The following PUS7 variants were observed in gnomAD, a reference collection of about 807,000 sequenced individuals.
PUS7 encodes the protein pseudouridine synthase 7.
In PUS7, 48 loss-of-function variants were observed where a neutral mutation model predicts 79.8. The observed-to-expected ratio is 0.60, with a 90% CI of 0.48 to 0.76. The LOEUF is 0.76. Ranked by LOEUF, PUS7 falls within the 30% of genes least tolerant of loss-of-function variation. PUS7 has a pLI of 0.00. For synonymous variants in PUS7, 286 were observed against 272.2 expected, an observed-to-expected ratio of 1.05 and a Z score of -0.50; for missense variants, 729 against 797.6, an observed-to-expected ratio of 0.91 and a Z score of 1.04.
intron 12 of PUS7, among the ~76,000 whole-genome samples, chr7:105,467,577 T>C (rs772360448): frequency 1.8e-4 from 27 of 151,652 alleles, no homozygotes; most frequent in South Asian, 1.5e-3. Context: ...TGTGAGCCAC[T>C]GCGCCCAGTG....
chr7:105,508,648 G>C (rs1384183853), intron 1 of PUS7, 104 bp from the exon 2 acceptor site: 7 of 1,428,266 alleles, frequency 4.9e-6, no homozygotes, highest in Admixed American at 2.6e-5. Flanking sequence ...GGGAGGTTAA[G>C]GCAGGCAGAT....
chr7:105,476,248 A>G (rs1368829838), intron 9 of PUS7, among the ~76,000 whole-genome samples: 3 of 151,620 alleles, frequency 2.0e-5, no homozygotes, highest in Non-Finnish European at 4.4e-5. Flanking sequence ...CCTTTCGGCT[A>G]TTGTGAATGC....
chr7:105,483,943 G>A (rs769332507), intron 7 of PUS7, among the ~76,000 whole-genome samples: 16 of 152,256 alleles, frequency 1.1e-4, no homozygotes, highest in Non-Finnish European at 1.5e-4. Flanking sequence ...GCTTTTACAC[G>A]TCTTTCAATG....
intron 6 of PUS7, among the ~76,000 whole-genome samples, chr7:105,492,342 T>C (rs1369290010): frequency 6.6e-6 from 1 of 151,888 alleles, no homozygotes; most frequent in East Asian, 1.9e-4. Flanking sequence ...CTTTTTTTTT[T>C]GAGACGGAGT....
At chr7:105,516,934 G>A (rs1397577485) in intron 1 of PUS7, among the ~76,000 whole-genome samples, 4 of 152,048 alleles carry the variant, frequency 2.6e-5, no homozygotes, top group Non-Finnish European at 5.9e-5. Flanking sequence ...CTTGAATGAA[G>A]ATATAAAGTT....
rs77062961 is a variant in PUS7, at chr7:105,509,262, G to A, written c.-32-718C>T. Among the ~76,000 whole-genome samples the A allele has an allele frequency of 5.3e-3, 777 of 147,172 alleles. 14 individuals are homozygous for A. The highest frequency in any genetic ancestry group is 0.038 in the East Asian group (190 of 5,036). On this transcript the variant is annotated intron_variant, in intron 1 of 15. Coordinates refer to ENST00000469408, the MANE Select transcript of PUS7 (RefSeq NM_019042.5). ...AAGGCATAGTTAATGTTGTTCATAC[G>A]ATCCTAAAAATCATTTATAGAAATA... is the stretch of plus-strand genomic sequence containing the variant.
At chr7:105,510,235 G>A (rs1160773266) in intron 1 of PUS7, among the ~76,000 whole-genome samples, 1 of 152,152 alleles carries the variant, frequency 6.6e-6, no homozygotes, top group Admixed American at 6.5e-5. Flanking sequence ...AGGAGGTGGA[G>A]GTTGTGGTGA....
At chr7:105,505,018 T>TTTTTTTTTTTTTTTTTTTTTTTTTG (rs1562815532) in intron 4 of PUS7, among the ~76,000 whole-genome samples, 1 of 150,256 alleles carries the variant, frequency 6.7e-6, no homozygotes. Flanking sequence ...TTTTTTTTTT[T>TTTTTTTTTTTTTTTTTTTTTTTTTG]GATATGGAGT....
At chr7:105,492,006 G>A (rs115848276) in intron 6 of PUS7, among the ~76,000 whole-genome samples, 2,990 of 143,892 alleles carry the variant, frequency 0.021, 90 homozygotes, top group African/African-American at 0.071. Context: ...GCAGTGAGCT[G>A]AGACCACTCT....
Position 105,508,408 on chromosome 7 carries a change from C to T in PUS7, c.105G>A (p.Leu35=). Residue 35 remains leucine (L), a synonymous_variant, in exon 2 of 16, where the codon CTG becomes CTA. Coordinates refer to ENST00000469408, the MANE Select transcript of PUS7 (RefSeq NM_019042.5). ...VPVEETKKQK[L]SECSLTKGQD... ...GACCTTTGGTTAGACTGCATTCCGACAGCTTCTGTTTTTTTGTCTCTTCAA... is the reference window on the plus strand; with the variant it reads ...GACCTTTGGTTAGACTGCATTCCGATAGCTTCTGTTTTTTTGTCTCTTCAA... 6.2e-7 allele frequency: 1 copy of T among 1,614,126 alleles called. No individual in the cohort carries two copies. Among genetic ancestry groups the T allele is most frequent in the South Asian group, 1.1e-5 (1 of 91,080 alleles).
chr7:105,506,782 T>TA (rs899228483), intron 2 of PUS7, among the ~76,000 whole-genome samples: 41 of 152,228 alleles, frequency 2.7e-4, no homozygotes, highest in African/African-American at 8.7e-4. Flanking sequence ...TATGAGAACT[T>TA]AAAGAAAAGA....
intron 1 of PUS7, among the ~76,000 whole-genome samples, chr7:105,510,136 A>C (rs1309686866): frequency 6.6e-6 from 1 of 152,084 alleles, no homozygotes; most frequent in African/African-American, 2.4e-5. Context: ...TTCCGTCTCT[A>C]CTGAAAATAC....
chr7:105,467,038 T>TG (rs939302206), intron 12 of PUS7, among the ~76,000 whole-genome samples: 3 of 108,830 alleles, frequency 2.8e-5, no homozygotes, highest in African/African-American at 1.6e-4. Context: ...TTTTCTGTTT[T>TG]TTTTTTTTTT....
At chr7:105,509,417 A>G (rs756725664) in intron 1 of PUS7, among the ~76,000 whole-genome samples, 14 of 152,068 alleles carry the variant, frequency 9.2e-5, no homozygotes, top group Non-Finnish European at 1.9e-4. Flanking sequence ...GATTTATCTT[A>G]AGAAAATAAT....
At chr7:105,494,120 G>T (rs570516951) in intron 6 of PUS7, among the ~76,000 whole-genome samples, 5 of 152,264 alleles carry the variant, frequency 3.3e-5, no homozygotes, top group Non-Finnish European at 5.9e-5. Context: ...CAGTCTCCAG[G>T]AATTGAGAGC....
Position 105,456,768 on chromosome 7 carries a change from T to C in PUS7, c.*1022A>G, listed in dbSNP as rs543512946. 23 of 152,176 alleles carry C rather than the reference T, an allele frequency of 1.5e-4. No homozygotes were observed. The highest frequency in any genetic ancestry group is 2.9e-5 in the Non-Finnish European group (2 of 68,028). The allele number at this position is 152,176 out of a possible 1,614,324, so 9.4% of individuals were successfully genotyped here. On this transcript the variant is annotated 3_prime_UTR_variant, in exon 16 of 16. Transcript: ENST00000469408. ...TGTCCATTTTTATAGTTTTCTTCTC[T>C]ACCATTATTTATTTTTGAGCAAATA...
chr7:105,477,356 TC>T (rs1703134494), intron 9 of PUS7, among the ~76,000 whole-genome samples: 1 of 152,096 alleles, frequency 6.6e-6, no homozygotes, highest in Admixed American at 6.6e-5. Context: ...AAAGCAATTC[TC>T]CTGCCTCAGC....
At chr7:105,489,163 A>G (rs953151463) in intron 7 of PUS7, among the ~76,000 whole-genome samples, 6 of 151,052 alleles carry the variant, frequency 4.0e-5, no homozygotes, top group Non-Finnish European at 8.9e-5. Flanking sequence ...AAAAAAAAAA[A>G]AAAAAGAAAG....
At chr7:105,489,573 C>G (rs1420524168) in intron 7 of PUS7, among the ~76,000 whole-genome samples, 1 of 152,166 alleles carries the variant, frequency 6.6e-6, no homozygotes, top group African/African-American at 2.4e-5. Context: ...TGCTCTCTTT[C>G]AAATGCTTCA....
Sources: allele counts gnomAD v4.1 joint callset (sites outside exome capture counted in the v4.1 genomes callset), GRCh38; gene constraint gnomAD v4.1.1; transcripts MANE v1.5; gene names NCBI Gene and HGNC (gene_info 2026-07-23, HGNC 2026-07-21).